The following TDRD10 variants were observed in gnomAD, a reference collection of about 807,000 sequenced individuals.
The protein encoded by TDRD10 is tudor domain containing 10, also known as tudor domain-containing protein 10.
A neutral mutation model predicts 48.0 loss-of-function variants in TDRD10; 40 were observed. That is an observed-to-expected ratio of 0.83 (90% CI 0.65 to 1.09). TDRD10 has a LOEUF of 1.09. TDRD10 is among the 50% of genes least tolerant of loss of function. The pLI, the probability that TDRD10 is intolerant of heterozygous loss-of-function variation, is 0.00. For synonymous variants in TDRD10, 162 were observed against 170.4 expected (o/e 0.95, Z 0.38); for missense variants, 378 against 434.7 (o/e 0.87, Z 1.16).
At chr1:154,535,697 A>G (rs1191352948) in intron 6 of TDRD10, among the ~76,000 whole-genome samples, 1 of 152,220 alleles carries the variant, frequency 6.6e-6, no homozygotes, top group Non-Finnish European at 1.5e-5. Flanking sequence ...AAAGGTTGAA[A>G]AAGACTTGCT....
At chr1:154,526,393 C>G (rs575431933) in intron 6 of TDRD10, among the ~76,000 whole-genome samples, 9 of 147,954 alleles carry the variant, frequency 6.1e-5, no homozygotes, top group Admixed American at 2.1e-4. Flanking sequence ...AACAAGCAAA[C>G]AAAACCCAAA....
At chr1:154,514,770 C>A (rs1290593614) in intron 4 of TDRD10, among the ~76,000 whole-genome samples, 1 of 152,142 alleles carries the variant, frequency 6.6e-6, no homozygotes, top group African/African-American at 2.4e-5. Context: ...TCACTGCAGC[C>A]TCGACCTCCC....
intron 6 of TDRD10, among the ~76,000 whole-genome samples, chr1:154,538,225 T>A (rs1198015958): frequency 1.3e-5 from 2 of 152,170 alleles, no homozygotes; most frequent in Non-Finnish European, 2.9e-5. Context: ...CCACTAGTGA[T>A]AATTGGTTTG....
At chr1:154,547,331 C>CG in intron 11 of TDRD10, 78 bp from the exon 12 acceptor site, 1 of 1,528,688 alleles carries the variant, frequency 6.5e-7, no homozygotes, top group Non-Finnish European at 9.0e-7. Flanking sequence ...CTGCAGCCCC[C>CG]GCCTTTTGCT....
chr1:154,517,949 A>G (rs953505713), intron 4 of TDRD10, among the ~76,000 whole-genome samples: 9 of 152,206 alleles, frequency 5.9e-5, no homozygotes, highest in Non-Finnish European at 1.2e-4. Context: ...CCAGCAGCAC[A>G]GGGTTCCTCT....
In TDRD10 at chr1:154,544,354, G is replaced by A. The variant is rs1259483549; in HGVS notation, c.652-18G>A. On this transcript the variant is annotated intron_variant, in intron 9 of 12. Transcript: ENST00000368482. ...ATGCAGTGCAGGCAGTGGGGCCGTT[G>A]CGTTTTGCACCCCACAGGCTCTGCA... is the stretch of plus-strand genomic sequence containing the variant. 2 of 1,569,848 alleles carry A rather than the reference G, an allele frequency of 1.3e-6. No homozygotes were observed. The highest frequency in any genetic ancestry group is 2.3e-5 in the East Asian group (1 of 43,064).
intron 4 of TDRD10, among the ~76,000 whole-genome samples, chr1:154,516,089 C>A (rs1423828297): frequency 6.6e-6 from 1 of 152,198 alleles, no homozygotes; most frequent in East Asian, 1.9e-4. Flanking sequence ...CTGCTTTCTG[C>A]ACCTAACACA....
intron 6 of TDRD10, among the ~76,000 whole-genome samples, chr1:154,538,853 A>AAAAAAAAAAAAACTG: frequency 1.0e-5 from 1 of 100,336 alleles, no homozygotes; most frequent in African/African-American, 3.3e-5. Context: ...ACTCCATCTC[A>AAAAAAAAAAAAACTG]CGGTGCTTTG....
At chr1:154,504,542 G>T (rs1693036989) in intron 1 of TDRD10, among the ~76,000 whole-genome samples, 1 of 152,198 alleles carries the variant, frequency 6.6e-6, no homozygotes, top group Non-Finnish European at 1.5e-5. Context: ...GATAGAGGAT[G>T]TTGTCTGTAT....
chr1:154,544,287 G>A (rs376720021), intron 9 of TDRD10, 85 bp from the exon 10 acceptor site: 30 of 1,541,214 alleles, frequency 1.9e-5, no homozygotes, highest in South Asian at 1.8e-4. Context: ...ACGGATTAGC[G>A]GTGCTAACAT....
rs373715394 is a variant in TDRD10 at position 154,544,944 on chromosome 1, A to G, written c.947A>G (p.Glu316Gly). Residue 316 changes from glutamate to glycine, a missense_variant, in exon 11 of 13, where the codon GAG (glutamate) becomes GGG (glycine). Glu to Gly is a moderately conservative substitution (Grantham distance 98). This residue lies in a region of TDRD10 where 68 missense variants were observed against 111.1 expected (regional missense o/e 0.61). Transcript: ENST00000368482. ...CCCCTGACTCAGCCATTCATGCTGG[A>G]GAAAGGTGAGACATCTTCTATCTTC... The part of the protein sequence containing the change: ...IPPLTQPFML[E>G]KDILSSYEVV... 3.1e-6 allele frequency: 5 copies of G among 1,613,836 alleles called. No homozygotes were observed. Among genetic ancestry groups the G allele is most frequent in the Non-Finnish European group, 4.2e-6 (5 of 1,179,986 alleles).
At chr1:154,539,601 C>T (rs73023346) in intron 6 of TDRD10, among the ~76,000 whole-genome samples, 28,916 of 152,212 alleles carry the variant, frequency 0.19, 2,988 homozygotes, top group South Asian at 0.23. Flanking sequence ...GCGTGAGCCG[C>T]AGTACCCAGC....
At chr1:154,523,150 T>C (rs895226231) in intron 6 of TDRD10, among the ~76,000 whole-genome samples, 1 of 152,132 alleles carries the variant, frequency 6.6e-6, no homozygotes, top group Non-Finnish European at 1.5e-5. Context: ...AAATGATCCG[T>C]CCACCTCAGC....
intron 4 of TDRD10, among the ~76,000 whole-genome samples, chr1:154,518,262 A>G (rs1267095641): frequency 6.6e-6 from 1 of 152,212 alleles, no homozygotes; most frequent in Non-Finnish European, 1.5e-5. Flanking sequence ...ATTATGGACA[A>G]TACTTCTAGT....
intron 6 of TDRD10, among the ~76,000 whole-genome samples, chr1:154,535,064 A>G (rs1397651513): frequency 6.6e-6 from 1 of 152,218 alleles, no homozygotes; most frequent in Admixed American, 6.5e-5. Context: ...GTGTGATTGA[A>G]TTCTTCAGGA....
intron 6 of TDRD10, among the ~76,000 whole-genome samples, chr1:154,524,867 C>T (rs934967514): frequency 3.3e-5 from 5 of 152,198 alleles, no homozygotes; most frequent in Non-Finnish European, 7.3e-5. Flanking sequence ...ACTTGTCCCA[C>T]ACCACGGACA....
chr1:154,514,324 G>A (rs1171677358), intron 4 of TDRD10, among the ~76,000 whole-genome samples: 1 of 152,214 alleles, frequency 6.6e-6, no homozygotes, highest in Non-Finnish European at 1.5e-5. Flanking sequence ...CCTGTTGATA[G>A]TAAGACATTA....
At chr1:154,534,582 A>C (rs1318298935) in intron 6 of TDRD10, 1 of 152,246 alleles carries the variant, frequency 6.6e-6, no homozygotes, top group East Asian at 1.9e-4. Flanking sequence ...GAAGCCCCAG[A>C]TGCTCACTGT....
chr1:154,532,977 C>T (rs895118433), intron 6 of TDRD10, among the ~76,000 whole-genome samples: 1 of 152,190 alleles, frequency 6.6e-6, no homozygotes. Flanking sequence ...GACACCCCCC[C>T]CAGTAGGGAG....
Sources: allele counts gnomAD v4.1 joint callset (sites outside exome capture counted in the v4.1 genomes callset), GRCh38; gene constraint gnomAD v4.1.1; regional missense constraint gnomAD v4.1.1; transcripts MANE v1.5; gene names NCBI Gene and HGNC (gene_info 2026-07-23, HGNC 2026-07-21).